PRKCQ: variants seen among roughly 807,000 people sequenced by gnomAD.
The protein encoded by PRKCQ is protein kinase C theta.
A neutral mutation model predicts 91.2 loss-of-function variants in PRKCQ; 41 were observed. The ratio of observed to expected loss-of-function variants is 0.45; its 90% CI spans 0.35 to 0.58. PRKCQ has a LOEUF of 0.58. Among genes scored for constraint, PRKCQ ranks in the 20% least tolerant of loss-of-function variants. The probability of loss-of-function intolerance (pLI) is 0.00; values close to 1 mark genes in which losing one functional copy is unlikely to be tolerated. For missense variants in PRKCQ, 673 were observed against 896.5 expected, an observed-to-expected ratio of 0.75 and a Z score of 3.18; for synonymous variants, 307 against 316.9, an observed-to-expected ratio of 0.97 and a Z score of 0.33.
At chr10:6,545,642 G>A (rs537747751) in intron 1 of PRKCQ, among the ~76,000 whole-genome samples, 54 of 152,160 alleles carry the variant, frequency 3.5e-4, no homozygotes, top group Non-Finnish European at 6.0e-4. Flanking sequence ...TTGGGATGAT[G>A]AAAAGGTTCT....
intron 12 of PRKCQ, among the ~76,000 whole-genome samples, chr10:6,472,256 C>T (rs1286815594): frequency 2.6e-5 from 4 of 152,038 alleles, no homozygotes; most frequent in Non-Finnish European, 5.9e-5. Flanking sequence ...TGCAGTGAGC[C>T]GAGATCGCAC....
intron 8 of PRKCQ, among the ~76,000 whole-genome samples, chr10:6,487,886 T>C: frequency 6.6e-6 from 1 of 151,308 alleles, no homozygotes; most frequent in East Asian, 1.9e-4. Context: ...ACATCTGTAA[T>C]CCCAGCTACT....
At chr10:6,467,474 G>A (rs760053085) in intron 12 of PRKCQ, among the ~76,000 whole-genome samples, 3 of 150,110 alleles carry the variant, frequency 2.0e-5, no homozygotes, top group Non-Finnish European at 4.4e-5. Flanking sequence ...CCTGTGTTGG[G>A]TTAATTGTAA....
Position 6,511,156 on chromosome 10 carries a change from A to G in PRKCQ, c.157T>C (p.Tyr53His), listed in dbSNP as rs755871696. Reference protein sequence around the residue: ...QMYIQKKPTMYPPWDSTFDAH... With the variant: ...QMYIQKKPTMHPPWDSTFDAH... ...TCAAAAGTGCTGTCCCAGGGTGGGT[A>G]CATGGTAGGCTTTTTCTGGATATAC... The change falls in exon 3 of 18, where the codon TAC becomes CAC. Residue 53 changes from tyrosine (Y) to histidine (H), a missense_variant. Transcript: ENST00000263125. 1 of 1,614,172 alleles carries G rather than the reference A, an allele frequency of 6.2e-7. No homozygotes were observed. The highest frequency in any genetic ancestry group is 8.5e-7 in the Non-Finnish European group (1 of 1,180,012).
the PRKCQ span, among the ~76,000 whole-genome samples, chr10:6,401,765 A>G: frequency 0.02 from 3,092 of 152,204 alleles, 104 homozygotes; most frequent in African/African-American, 0.066. Context: ...ATAATTCTAC[A>G]TGGCTCTGCA....
At chr10:6,534,785 TA>T (rs1839514329) in intron 1 of PRKCQ, among the ~76,000 whole-genome samples, 1 of 145,736 alleles carries the variant, frequency 6.9e-6, no homozygotes, top group South Asian at 2.1e-4. Context: ...TATATATATA[TA>T]TATATAGATA....
the PRKCQ span, among the ~76,000 whole-genome samples, chr10:6,404,255 G>GGAGAGGGAGA: frequency 5.8e-5 from 2 of 34,360 alleles, no homozygotes; most frequent in African/African-American, 1.7e-4. Flanking sequence ...GAAGGGGGGG[G>GGAGAGGGAGA]GAGAGAGAGA....
chr10:6,549,131 A>T (rs1219714630), intron 1 of PRKCQ, among the ~76,000 whole-genome samples: 1 of 152,210 alleles, frequency 6.6e-6, no homozygotes, highest in East Asian at 1.9e-4. Flanking sequence ...CTTAAGAAGC[A>T]GTACATGGGG....
intron 1 of PRKCQ, among the ~76,000 whole-genome samples, chr10:6,575,154 A>T (rs186340335): frequency 6.6e-6 from 1 of 152,348 alleles, no homozygotes; most frequent in African/African-American, 2.4e-5. Context: ...GATACAAAAT[A>T]GTACAAATAT....
At chr10:6,482,994 A>G (rs748897308) in intron 11 of PRKCQ, among the ~76,000 whole-genome samples, 16 of 152,156 alleles carry the variant, frequency 1.1e-4, no homozygotes, top group African/African-American at 2.7e-4. Flanking sequence ...GCCGAGCCCT[A>G]TCACACCCCA....
At chr10:6,516,739 T>C (rs1219370684) in intron 1 of PRKCQ, among the ~76,000 whole-genome samples, 6 of 152,170 alleles carry the variant, frequency 3.9e-5, no homozygotes, top group African/African-American at 1.4e-4. Context: ...TAAAGCACCC[T>C]GACCTTTTCT....
chr10:6,506,263 G>A (rs1229142375), intron 4 of PRKCQ, among the ~76,000 whole-genome samples: 1 of 151,974 alleles, frequency 6.6e-6, no homozygotes, highest in East Asian at 1.9e-4. Flanking sequence ...CCTAAAAGTT[G>A]AGCAAATACT....
At chr10:6,575,452 G>A (rs1841192343) in intron 1 of PRKCQ, among the ~76,000 whole-genome samples, 1 of 152,168 alleles carries the variant, frequency 6.6e-6, no homozygotes, top group Non-Finnish European at 1.5e-5. Flanking sequence ...ACTCATTTCT[G>A]AATCATAAGG....
At chr10:6,565,702 G>C (rs1264467399) in intron 1 of PRKCQ, among the ~76,000 whole-genome samples, 1 of 152,224 alleles carries the variant, frequency 6.6e-6, no homozygotes, top group Non-Finnish European at 1.5e-5. Flanking sequence ...AACTAGGGAA[G>C]AATCCCGGGA....
chr10:6,404,020 C>T, the PRKCQ span, among the ~76,000 whole-genome samples: 3 of 151,632 alleles, frequency 2.0e-5, no homozygotes, highest in African/African-American at 7.3e-5. Flanking sequence ...TAGCAGGATA[C>T]GAAGGCCTAA....
chr10:6,482,071 C>T (rs1413049024), intron 11 of PRKCQ, among the ~76,000 whole-genome samples: 2 of 151,812 alleles, frequency 1.3e-5, no homozygotes, highest in Non-Finnish European at 2.9e-5. Context: ...AGACAACCCC[C>T]CACCTGCATG....
chr10:6,475,521 C>T (rs903590602), intron 12 of PRKCQ, among the ~76,000 whole-genome samples: 2 of 152,240 alleles, frequency 1.3e-5, no homozygotes, highest in African/African-American at 4.8e-5. Flanking sequence ...TACCTGTCCT[C>T]AGAATCTCCT....
chr10:6,543,353 C>T (rs1045442375), intron 1 of PRKCQ, among the ~76,000 whole-genome samples: 1 of 152,176 alleles, frequency 6.6e-6, no homozygotes, highest in African/African-American at 2.4e-5. Flanking sequence ...GCAGTCTGGT[C>T]TCTTTCAGTC....
chr10:6,425,984 G>A (rs1254145263), downstream of PRKCQ, among the ~76,000 whole-genome samples: 1 of 152,126 alleles, frequency 6.6e-6, no homozygotes, highest in Non-Finnish European at 1.5e-5. Context: ...GCAGGGGTAT[G>A]TGGGAACCCA....
Sources: gnomAD v4.1 joint callset for allele counts (sites outside exome capture counted in the v4.1 genomes callset) on GRCh38, gnomAD v4.1.1 for gene constraint, MANE v1.5 for transcripts, NCBI Gene and HGNC (gene_info 2026-07-23, HGNC 2026-07-21) for gene names.